MCPH1: variants seen among roughly 807,000 people sequenced by gnomAD.
The protein encoded by MCPH1 is microcephalin 1, also known as microcephalin.
In MCPH1, 104 loss-of-function variants were observed where a neutral mutation model predicts 84.5. The observed-to-expected ratio is 1.23, with a 90% CI of 1.05 to 1.45. The LOEUF (loss-of-function observed/expected upper bound fraction) is 1.45, where lower values mean the gene tolerates loss of function less well. MCPH1 is among the 40% of genes most tolerant of loss of function. MCPH1 has a pLI of 0.00. For synonymous variants in MCPH1, 514 were observed against 366.8 expected, an observed-to-expected ratio of 1.40 and a Z score of -4.58; for missense variants, 1,498 against 1,005.7, an observed-to-expected ratio of 1.49 and a Z score of -6.62.
intron 12 of MCPH1, among the ~76,000 whole-genome samples, chr8:6,545,760 T>C (rs1471137798): frequency 6.6e-6 from 1 of 152,222 alleles, no homozygotes; most frequent in Non-Finnish European, 1.5e-5. Flanking sequence ...TGGCTTCAAG[T>C]ATAGGAAGAA....
chr8:6,442,139 G>A lies in MCPH1; in HGVS notation c.653G>A (p.Arg218His), dbSNP rs780973934. The A allele has an allele frequency of 1.0e-5, 16 of 1,607,178 alleles. No homozygotes were observed. The highest frequency in any genetic ancestry group is 2.7e-5 in the African/African-American group (2 of 74,744). ...SLCEAPLNIS[R>H]DTLCSDEYFA... Reference sequence around the variant, plus strand: ...TGTGAAGCACCTTTGAACATTTCACGTGATACTTTGTGTTCAGGTAAAATT... The same window carrying A: ...TGTGAAGCACCTTTGAACATTTCACATGATACTTTGTGTTCAGGTAAAATT... The change falls in exon 7 of 14, where the codon CGT becomes CAT. Residue 218 changes from arginine (R) to histidine (H), a missense_variant. Transcript: ENST00000344683.
chr8:6,458,820 G>GT (rs1425967132), intron 9 of MCPH1, among the ~76,000 whole-genome samples: 1 of 151,914 alleles, frequency 6.6e-6, no homozygotes, highest in Non-Finnish European at 1.5e-5. Flanking sequence ...AATTTTTTAA[G>GT]TTTTTTGTAG....
At chr8:6,408,154 ATGTAT>A (rs1362950895) in intron 1 of MCPH1, among the ~76,000 whole-genome samples, 2 of 152,216 alleles carry the variant, frequency 1.3e-5, no homozygotes, top group East Asian at 1.9e-4. Flanking sequence ...GTAAACTCTC[ATGTAT>A]TGTATGGGTA....
chr8:6,621,433 C>T, intron 12 of MCPH1, 21 bp from the exon 13 acceptor site: 1 of 1,613,352 alleles, frequency 6.2e-7, no homozygotes, highest in Non-Finnish European at 8.5e-7. Flanking sequence ...CTCTGTAATT[C>T]TATCTCTGTC....
intron 12 of MCPH1, among the ~76,000 whole-genome samples, chr8:6,589,092 A>G (rs755633661): frequency 5.9e-5 from 9 of 152,234 alleles, no homozygotes; most frequent in Non-Finnish European, 8.8e-5. Context: ...TGGATGATGA[A>G]TTGACAACAA....
chr8:6,475,639 C>T (rs374932218), intron 9 of MCPH1, among the ~76,000 whole-genome samples: 2 of 152,114 alleles, frequency 1.3e-5, no homozygotes, highest in African/African-American at 2.4e-5. Context: ...ATGCTCTATC[C>T]CCAGGTCACC....
chr8:6,609,667 C>T (rs767436682), intron 12 of MCPH1, among the ~76,000 whole-genome samples: 5 of 152,182 alleles, frequency 3.3e-5, no homozygotes, highest in South Asian at 2.1e-4. Flanking sequence ...TATCCTGATG[C>T]GCTTTTACTT....
chr8:6,596,042 G>C (rs1232073838), intron 12 of MCPH1, among the ~76,000 whole-genome samples: 3 of 152,310 alleles, frequency 2.0e-5, no homozygotes, highest in Admixed American at 1.3e-4. Flanking sequence ...TTACAAAAAA[G>C]TATGTTTCTG....
chr8:6,532,255 T>A, intron 12 of MCPH1: 2 of 1,549,806 alleles, frequency 1.3e-6, no homozygotes, highest in Admixed American at 3.7e-5. Flanking sequence ...CATGCCTTCA[T>A]TGAGGAAGCT....
At chr8:6,591,949 A>G (rs1828489138) in intron 12 of MCPH1, among the ~76,000 whole-genome samples, 1 of 152,180 alleles carries the variant, frequency 6.6e-6, no homozygotes, top group South Asian at 2.1e-4. Context: ...ATGCTGGGGG[A>G]AACCTATGGA....
At chr8:6,604,189 G>T (rs773651236) in intron 12 of MCPH1, among the ~76,000 whole-genome samples, 1 of 51,960 alleles carries the variant, frequency 1.9e-5, no homozygotes, top group Non-Finnish European at 6.5e-5. Context: ...TGGCCTTCCA[G>T]GTTTGCACTG....
intron 8 of MCPH1, among the ~76,000 whole-genome samples, chr8:6,454,801 A>G (rs1805501652): frequency 6.6e-6 from 1 of 152,240 alleles, no homozygotes; most frequent in African/African-American, 2.4e-5. Flanking sequence ...CCTACTCTGA[A>G]GAGCTGTTCT....
chr8:6,545,076 C>G (rs993025536), intron 12 of MCPH1, among the ~76,000 whole-genome samples: 1 of 152,058 alleles, frequency 6.6e-6, no homozygotes, highest in Non-Finnish European at 1.5e-5. Context: ...TCACAGAAGC[C>G]ACACCCTAGG....
In MCPH1 at chr8:6,647,520, T is replaced by C. The variant is rs1204462852; in HGVS notation, c.*4471T>C. On this transcript the variant is annotated 3_prime_UTR_variant, in exon 14 of 14. Coordinates refer to ENST00000344683, the MANE Select transcript of MCPH1 (RefSeq NM_024596.5). ...TTCATAATAACCAAAAATTAGCCCA[T>C]CAACTGAAAAGTAGATAAACAAAAT... 1 of 152,138 alleles carries C rather than the reference T, an allele frequency of 6.6e-6. No homozygotes were observed. The allele number at this position is 152,138 out of a possible 1,614,324, so 9.4% of individuals were successfully genotyped here. A position where few individuals can be genotyped will look rare whatever the true frequency, so the allele number is the denominator to read the frequency against.
rs764652149 is a variant in MCPH1 at position 6,445,189 on chromosome 8, T to C, written c.1467T>C (p.Asn489=). The change falls in exon 8 of 14, where the codon AAT becomes AAC. Residue 489 remains asparagine, a synonymous_variant. Transcript: ENST00000344683. ...TCTCCAGTCCTCGGAAAACTGGAAA[T>C]GGTGAAGGCCGTGCAACTTCGAGTT... ...KTISSPRKTG[N]GEGRATSSCV... is the part of the protein sequence containing the mutation. The C allele has an allele frequency of 2.5e-6, 4 of 1,614,130 alleles. No homozygotes were observed. The highest frequency in any genetic ancestry group is 4.5e-5 in the East Asian group (2 of 44,902).
At chr8:6,517,902 A>G (rs1196112072) in intron 12 of MCPH1, among the ~76,000 whole-genome samples, 2 of 152,212 alleles carry the variant, frequency 1.3e-5, no homozygotes, top group Non-Finnish European at 2.9e-5. Flanking sequence ...TTATTTTTCA[A>G]GATGAGAAAA....
intron 12 of MCPH1, among the ~76,000 whole-genome samples, chr8:6,562,024 TGGGAACTGTGCCCCTGTTTACAGAC>T (rs1197383342): frequency 6.6e-6 from 1 of 152,210 alleles, no homozygotes; most frequent in East Asian, 1.9e-4. Flanking sequence ...CTGGGACGCT[TGGGAACTGTGCCCCTGTTTACAGAC>T]GGCAAGCCCT....
At chr8:6,409,738 G>C (rs901490445) in intron 2 of MCPH1, among the ~76,000 whole-genome samples, 1 of 152,164 alleles carries the variant, frequency 6.6e-6, no homozygotes, top group Non-Finnish European at 1.5e-5. Flanking sequence ...ATACAAGTCT[G>C]GAGCTTGGAG....
At chr8:6,530,682 T>C (rs1402241505) in intron 12 of MCPH1, among the ~76,000 whole-genome samples, 1 of 152,208 alleles carries the variant, frequency 6.6e-6, no homozygotes, top group Non-Finnish European at 1.5e-5. Context: ...AATATTTATG[T>C]ATGTTTTTCT....
Sources: allele counts gnomAD v4.1 joint callset (sites outside exome capture counted in the v4.1 genomes callset), GRCh38; gene constraint gnomAD v4.1.1; transcripts MANE v1.5; gene names NCBI Gene and HGNC (gene_info 2026-07-23, HGNC 2026-07-21).